The following WDR35 variants were observed in gnomAD, a reference collection of about 807,000 sequenced individuals.
The protein encoded by WDR35 is WD repeat domain 35.
A neutral mutation model predicts 158.3 loss-of-function variants in WDR35; 118 were observed. That is an observed-to-expected ratio of 0.75 (90% CI 0.64 to 0.87). The LOEUF (loss-of-function observed/expected upper bound fraction) is 0.87, where lower values mean the gene tolerates loss of function less well. WDR35 is among the 40% of genes least tolerant of loss of function. WDR35 has a pLI of 0.00. For synonymous variants in WDR35, 448 were observed against 476.1 expected, an observed-to-expected ratio of 0.94 and a Z score of 0.77; for missense variants, 1,263 against 1,405.8, an observed-to-expected ratio of 0.90 and a Z score of 1.62.
chr2:19,941,919 A>G, intron 16 of WDR35, 80 bp from the exon 17 acceptor site: 2 of 1,065,658 alleles, frequency 1.9e-6, no homozygotes, highest in Non-Finnish European at 2.8e-6. Context: ...AAATTTTATT[A>G]TCAGAGTTTT....
Position 19,930,391 on chromosome 2 carries a change from C to T in WDR35, c.3121+5G>A, listed in dbSNP as rs1670487492. On this transcript the variant is annotated splice_donor_5th_base_variant and intron_variant, in intron 25 of 26. Transcript: ENST00000281405. ...CATACTATACACATTAGGTGACATGCCCACCTGTCTTCAGTGCAGTGTCCA... is the reference window on the plus strand; with the variant it reads ...CATACTATACACATTAGGTGACATGTCCACCTGTCTTCAGTGCAGTGTCCA... 2 of 1,614,078 alleles carry T rather than the reference C, an allele frequency of 1.2e-6. No individual in the cohort carries two copies. The highest frequency in any genetic ancestry group is 1.7e-6 in the Non-Finnish European group (2 of 1,179,992).
chr2:19,924,218 G>A (rs1019011631), intron 25 of WDR35, among the ~76,000 whole-genome samples: 12 of 152,086 alleles, frequency 7.9e-5, no homozygotes, highest in African/African-American at 2.9e-4. Context: ...ATAAAACAGG[G>A]ACCAAAAGAA....
chr2:19,957,346 T>C (rs977254200), intron 11 of WDR35, among the ~76,000 whole-genome samples: 1 of 152,280 alleles, frequency 6.6e-6, no homozygotes. Flanking sequence ...CAAATTCATA[T>C]GGGTAGATAA....
At chr2:19,921,004 C>T (rs575788764) in intron 25 of WDR35, among the ~76,000 whole-genome samples, 6 of 152,208 alleles carry the variant, frequency 3.9e-5, no homozygotes, top group African/African-American at 1.4e-4. Flanking sequence ...AATAAAATAC[C>T]TAGGAATACA....
intron 4 of WDR35, among the ~76,000 whole-genome samples, chr2:19,979,212 T>C (rs1672308610): frequency 6.6e-6 from 1 of 152,194 alleles, no homozygotes; most frequent in Non-Finnish European, 1.5e-5. Context: ...CTACTGATTT[T>C]TCTGAAAGCC....
At chr2:19,966,682 C>T (rs1050623061) in intron 10 of WDR35, 42 bp downstream of exon 10, 16 of 1,605,016 alleles carry the variant, frequency 1.0e-5, no homozygotes, top group Non-Finnish European at 1.3e-5. Flanking sequence ...ATAACCCAAG[C>T]AGTTAGCCCA....
Position 19,911,084 on chromosome 2 carries a change from T to C in WDR35, c.*2474A>G, listed in dbSNP as rs1669819501. On this transcript the variant is annotated 3_prime_UTR_variant, in exon 27 of 27. Coordinates refer to ENST00000281405, the MANE Select transcript of WDR35 (RefSeq NM_020779.4). The stretch of plus-strand genomic sequence containing the variant: ...TAGATCCAGCAACTTAGGATCTACC[T>C]GGAATAATTCGTTGGTGGGAAAATT... 1 of 152,194 alleles carries C rather than the reference T, an allele frequency of 6.6e-6. No individual in the cohort carries two copies. The highest frequency in any genetic ancestry group is 2.1e-4 in the South Asian group (1 of 4,832). 9.4% of individuals were successfully genotyped at this position (152,194 alleles called of 1,614,324 possible). A position where few individuals can be genotyped will look rare whatever the true frequency, so the allele number is the denominator to read the frequency against.
chr2:19,938,004 T>C (rs1277240187), intron 18 of WDR35, 58 bp from the exon 19 acceptor site: 3 of 1,578,014 alleles, frequency 1.9e-6, no homozygotes, highest in Non-Finnish European at 2.6e-6. Flanking sequence ...GACAAACTAG[T>C]CTTGAATCAC....
chr2:19,960,032 A>T (rs1671585296), intron 11 of WDR35, among the ~76,000 whole-genome samples: 1 of 152,068 alleles, frequency 6.6e-6, no homozygotes, highest in Non-Finnish European at 1.5e-5. Flanking sequence ...GAAAACAAAA[A>T]GTCAGGAATT....
intron 11 of WDR35, among the ~76,000 whole-genome samples, chr2:19,955,824 T>C (rs941041813): frequency 6.6e-6 from 1 of 152,204 alleles, no homozygotes; most frequent in Admixed American, 6.5e-5. Flanking sequence ...AGTCTGATGG[T>C]ATGATGTTAA....
intron 25 of WDR35, among the ~76,000 whole-genome samples, chr2:19,923,544 A>G (rs1164975916): frequency 1.3e-5 from 2 of 152,214 alleles, no homozygotes; most frequent in African/African-American, 4.8e-5. Flanking sequence ...CTAAAGCGGT[A>G]AAGGAGAGAG....
In WDR35 at chr2:19,930,441, G is replaced by A; in HGVS notation, c.3076C>T (p.Gln1026Ter). ...AEAYHFFILA[Q>*]RQLYEGCVDT... ...ACACATCCCTCATAGAGCTGCCTCT[G>A]TGCAAGTATAAAGAAGTGGTAAGCC... Residue 1026 changes from glutamine to a stop codon, truncating the protein, a stop_gained, in exon 25 of 27, where the codon CAG (glutamine) becomes TAG (stop). Coordinates refer to ENST00000281405, the MANE Select transcript of WDR35 (RefSeq NM_020779.4). LOFTEE classifies it high-confidence loss of function. 6.2e-7 allele frequency: 1 copy of A among 1,614,122 alleles called. No homozygotes were observed. The highest frequency in any genetic ancestry group is 8.5e-7 in the Non-Finnish European group (1 of 1,180,014).
intron 22 of WDR35, 76 bp downstream of exon 22, chr2:19,933,324 AG>A: frequency 8.6e-7 from 1 of 1,159,720 alleles, no homozygotes; most frequent in Non-Finnish European, 1.3e-6. Flanking sequence ...AAAGATCACT[AG>A]GGTGACTTTA....
Position 19,912,578 on chromosome 2 carries a change from T to C in WDR35, c.*980A>G, listed in dbSNP as rs1669870621. 1.3e-5 allele frequency: 2 copies of C among 152,236 alleles called. No homozygotes were observed. The highest frequency in any genetic ancestry group is 6.5e-5 in the Admixed American group (1 of 15,276). The allele number at this position is 152,236 out of a possible 1,614,324, so 9.4% of individuals were successfully genotyped here. ...GTATCTCTATGTATTGCCTCTACTA[T>C]ATGTAAGCCAAACCTCAATAAAATA... On this transcript the variant is annotated 3_prime_UTR_variant, in exon 27 of 27. Coordinates refer to ENST00000281405, the MANE Select transcript of WDR35 (RefSeq NM_020779.4).
intron 10 of WDR35, among the ~76,000 whole-genome samples, chr2:19,963,618 C>G (rs1671739241): frequency 6.6e-6 from 1 of 152,094 alleles, no homozygotes; most frequent in African/African-American, 2.4e-5. Flanking sequence ...TTGGTTTATT[C>G]CTCATTTTGT....
Position 19,912,025 on chromosome 2 carries a change from C to A in WDR35, c.*1533G>T, listed in dbSNP as rs1669852723. On this transcript the variant is annotated 3_prime_UTR_variant, in exon 27 of 27. Coordinates refer to ENST00000281405, the MANE Select transcript of WDR35 (RefSeq NM_020779.4). ...GAGTCATCTGGCTCAAGCGGCCACT[C>A]TGGTCCTTTTTGTAACCCGACTATT... The A allele has an allele frequency of 2.0e-5, 3 of 152,322 alleles. No homozygotes were observed. Among genetic ancestry groups the A allele is most frequent in the Admixed American group, 2.0e-4 (3 of 15,310 alleles). 9.4% of individuals were successfully genotyped at this position (152,322 alleles called of 1,614,324 possible). A position where few individuals can be genotyped will look rare whatever the true frequency, so the allele number is the denominator to read the frequency against.
intron 3 of WDR35, 104 bp from the exon 4 acceptor site, chr2:19,980,887 G>A: frequency 1.0e-6 from 1 of 1,001,790 alleles, no homozygotes; most frequent in Non-Finnish European, 1.5e-6. Context: ...TATGGTTCCT[G>A]TACAGCTAAC....
At chr2:19,981,846 T>C (rs1187435458) in intron 3 of WDR35, among the ~76,000 whole-genome samples, 3 of 152,148 alleles carry the variant, frequency 2.0e-5, no homozygotes, top group African/African-American at 4.8e-5. Flanking sequence ...TCTGGAATCA[T>C]AGGACAGATT....
intron 12 of WDR35, among the ~76,000 whole-genome samples, chr2:19,952,831 C>T (rs907502654): frequency 5.4e-4 from 80 of 147,714 alleles, no homozygotes; most frequent in African/African-American, 1.9e-3. Context: ...CTCTGTCGCC[C>T]AGGCTGGAGT....
Sources: gnomAD v4.1 joint callset for allele counts (sites outside exome capture counted in the v4.1 genomes callset) on GRCh38, gnomAD v4.1.1 for gene constraint, MANE v1.5 for transcripts, NCBI Gene and HGNC (gene_info 2026-07-23, HGNC 2026-07-21) for gene names.